Variants in ASXL3 observed in about 807,000 individuals in gnomAD.
The protein encoded by ASXL3 is putative Polycomb group protein ASXL3.
In ASXL3, 34 loss-of-function variants were observed where a neutral mutation model predicts 170.6. That is an observed-to-expected ratio of 0.20 (90% CI 0.15 to 0.27). The LOEUF (loss-of-function observed/expected upper bound fraction) is 0.27, where lower values mean the gene tolerates loss of function less well. Among genes scored for constraint, ASXL3 ranks in the 10% least tolerant of loss-of-function variants. The pLI is 1.00. For missense variants in ASXL3, 2,592 were observed against 2,695.3 expected (o/e 0.96, Z 0.85); for synonymous variants, 1,002 against 989.1 (o/e 1.01, Z -0.24).
intron 8 of ASXL3, among the ~76,000 whole-genome samples, chr18:33,718,080 A>G (rs979673553): frequency 1.3e-5 from 2 of 152,140 alleles, no homozygotes; most frequent in African/African-American, 4.8e-5. Flanking sequence ...AGTATCACAA[A>G]ACTGGTAGGG....
At chr18:33,631,616 T>C (rs2065678714) in intron 2 of ASXL3, among the ~76,000 whole-genome samples, 1 of 152,146 alleles carries the variant, frequency 6.6e-6, no homozygotes, top group South Asian at 2.1e-4. Context: ...CAGTGCTATT[T>C]TAATTGTAAT....
At chr18:33,601,110 G>A (rs967872579) in intron 1 of ASXL3, among the ~76,000 whole-genome samples, 1 of 152,066 alleles carries the variant, frequency 6.6e-6, no homozygotes, top group Non-Finnish European at 1.5e-5. Flanking sequence ...AATTGGTCAG[G>A]CAACGAGGGA....
At chr18:33,692,092 T>C (rs1260814444) in intron 8 of ASXL3, among the ~76,000 whole-genome samples, 1 of 152,170 alleles carries the variant, frequency 6.6e-6, no homozygotes, top group Non-Finnish European at 1.5e-5. Flanking sequence ...ATGTTCCTTG[T>C]CCCCAAGATG....
intron 7 of ASXL3, among the ~76,000 whole-genome samples, chr18:33,678,384 C>T (rs2066463251): frequency 6.6e-6 from 1 of 152,218 alleles, no homozygotes; most frequent in African/African-American, 2.4e-5. Flanking sequence ...TGTGTGCACA[C>T]TTCATGCATA....
intron 8 of ASXL3, among the ~76,000 whole-genome samples, chr18:33,715,716 T>A (rs985630076): frequency 9.2e-5 from 14 of 152,172 alleles, no homozygotes; most frequent in African/African-American, 3.1e-4. Context: ...CCTGAGGGTA[T>A]TAAAATTTGC....
intron 1 of ASXL3, among the ~76,000 whole-genome samples, chr18:33,595,813 C>G (rs1297597583): frequency 6.6e-6 from 1 of 152,156 alleles, no homozygotes; most frequent in African/African-American, 2.4e-5. Flanking sequence ...TTGGCTCTCC[C>G]TGTGTCCCCA....
chr18:33,727,187 C>T (rs752023717), intron 8 of ASXL3, among the ~76,000 whole-genome samples: 16 of 151,830 alleles, frequency 1.1e-4, no homozygotes, highest in Non-Finnish European at 2.1e-4. Context: ...CTCGGTGCAC[C>T]GTTATTATTT....
chr18:33,624,405 C>G (rs2065566792), intron 2 of ASXL3, among the ~76,000 whole-genome samples: 3 of 151,854 alleles, frequency 2.0e-5, no homozygotes, highest in African/African-American at 7.3e-5. Context: ...CAATAAATCC[C>G]AATTCACTTA....
chr18:33,631,551 A>C (rs1040370104), intron 2 of ASXL3, among the ~76,000 whole-genome samples: 1 of 152,134 alleles, frequency 6.6e-6, no homozygotes, highest in Non-Finnish European at 1.5e-5. Context: ...AACCTAATAT[A>C]AAGTATTCTT....
intron 4 of ASXL3, among the ~76,000 whole-genome samples, chr18:33,647,439 C>T (rs2065932596): frequency 6.6e-6 from 1 of 152,018 alleles, no homozygotes. Context: ...GACTTGTTGT[C>T]CCTATTCCCA....
chr18:33,745,324 C>A lies in ASXL3; in HGVS notation c.5476C>A (p.His1826Asn), dbSNP rs897770600. 4 of 1,613,934 alleles carry A rather than the reference C, an allele frequency of 2.5e-6. No individual in the cohort carries two copies. Among genetic ancestry groups the A allele is most frequent in the Non-Finnish European group, 3.4e-6 (4 of 1,179,892 alleles). Residue 1826 changes from histidine (H) to asparagine (N), a missense_variant, in exon 12 of 12, where the codon CAC (histidine) becomes AAC (asparagine). By Grantham distance (68) the His-to-Asn change is moderately conservative. Transcript: ENST00000269197. ...APLQMRKREN[H>N]PKKRVARTVG... ...ACTCCAAATGAGAAAGCGAGAAAACCACCCCAAAAAGAGAGTAGCTAGGAC... is the reference window on the plus strand; with the variant it reads ...ACTCCAAATGAGAAAGCGAGAAAACAACCCCAAAAAGAGAGTAGCTAGGAC...
At position 33,742,883 on chromosome 18, in the gene ASXL3, T is replaced by C. The variant is rs539227244; in HGVS notation, c.3040-5T>C. 2.5e-6 allele frequency: 4 copies of C among 1,585,120 alleles called. No homozygotes were observed. Among genetic ancestry groups the C allele is most frequent in the Middle Eastern group, 1.7e-4 (1 of 5,866 alleles). ...ATTATATTTTTTTTTCTGTCCTCCT[T>C]TTAGATTCAGCTTTCCAAAATTGGG... On this transcript the variant is annotated splice_region_variant and splice_polypyrimidine_tract_variant and intron_variant, in intron 11 of 11. Coordinates refer to ENST00000269197, the MANE Select transcript of ASXL3 (RefSeq NM_030632.3).
intron 3 of ASXL3, among the ~76,000 whole-genome samples, chr18:33,645,612 C>T (rs549742103): frequency 6.6e-6 from 1 of 151,864 alleles, no homozygotes; most frequent in Non-Finnish European, 1.5e-5. Context: ...ATGCAACATT[C>T]CAGAAGACAA....
chr18:33,691,509 A>G (rs78647423), intron 8 of ASXL3, among the ~76,000 whole-genome samples: 2,398 of 152,300 alleles, frequency 0.016, 62 homozygotes, highest in African/African-American at 0.054. Flanking sequence ...TGGGGTAGGA[A>G]TGGAATGTAT....
intron 1 of ASXL3, among the ~76,000 whole-genome samples, chr18:33,595,814 T>C (rs950608210): frequency 1.3e-5 from 2 of 152,320 alleles, no homozygotes; most frequent in Non-Finnish European, 2.9e-5. Context: ...TGGCTCTCCC[T>C]GTGTCCCCAA....
chr18:33,739,430 T>C lies in ASXL3; in HGVS notation c.2026T>C (p.Leu676=). 6.2e-7 allele frequency: 1 copy of C among 1,613,950 alleles called. No homozygotes were observed. The highest frequency in any genetic ancestry group is 8.5e-7 in the Non-Finnish European group (1 of 1,179,880). ...NSTDENFHAS[L]MSEISPISTS... is the part of the protein sequence containing the mutation. The stretch of plus-strand genomic sequence containing the variant: ...CACTGATGAAAACTTTCATGCATCT[T>C]TGATGTCAGAAATATCTCCAATATC... The change falls in exon 11 of 12, where the codon TTG becomes CTG. Residue 676 remains leucine, a synonymous_variant. Transcript: ENST00000269197.
intron 2 of ASXL3, among the ~76,000 whole-genome samples, chr18:33,629,982 G>T (rs1283491011): frequency 6.6e-6 from 1 of 151,994 alleles, no homozygotes; most frequent in Non-Finnish European, 1.5e-5. Flanking sequence ...CGGAAGAAGA[G>T]TATTAATATT....
At chr18:33,629,607 A>G (rs913597024) in intron 2 of ASXL3, among the ~76,000 whole-genome samples, 1 of 151,724 alleles carries the variant, frequency 6.6e-6, no homozygotes, top group Non-Finnish European at 1.5e-5. Context: ...TCTCTTTTCT[A>G]CCCCGATTAC....
At chr18:33,683,255 T>A in intron 7 of ASXL3, 150 bp from the exon 8 acceptor site, 1 of 618,458 alleles carries the variant, frequency 1.6e-6, no homozygotes, top group Non-Finnish European at 2.5e-6. Flanking sequence ...GGGAATTTCT[T>A]TTCTGAAATA....
Sources: gnomAD v4.1 joint callset for allele counts (sites outside exome capture counted in the v4.1 genomes callset) on GRCh38, gnomAD v4.1.1 for gene constraint, MANE v1.5 for transcripts, NCBI Gene and HGNC (gene_info 2026-07-23, HGNC 2026-07-21) for gene names.